The following SOCS7 variants were observed in gnomAD, a reference collection of about 807,000 sequenced individuals.
SOCS7 encodes suppressor of cytokine signaling 7.
A neutral mutation model predicts 58.9 loss-of-function variants in SOCS7; 18 were observed. That is an observed-to-expected ratio of 0.31 (90% CI 0.21 to 0.45). The LOEUF is 0.45. Ranked by LOEUF, SOCS7 falls within the 20% of genes least tolerant of loss-of-function variation. The pLI is 1.00. For missense variants in SOCS7, 667 were observed against 837.3 expected (o/e 0.80, Z 2.51); for synonymous variants, 388 against 364.3 (o/e 1.06, Z -0.74).
At chr17:38,389,106 C>T (rs1265346330) in intron 7 of SOCS7, among the ~76,000 whole-genome samples, 2 of 152,180 alleles carry the variant, frequency 1.3e-5, no homozygotes, top group South Asian at 2.1e-4. Context: ...TTGAATATAG[C>T]CATCCTAGTG....
chr17:38,353,597 C>G (rs2037592099), intron 1 of SOCS7, among the ~76,000 whole-genome samples: 1 of 152,164 alleles, frequency 6.6e-6, no homozygotes, highest in African/African-American at 2.4e-5. Flanking sequence ...GTGCTGACCA[C>G]TGTCTCTGAG....
intron 7 of SOCS7, among the ~76,000 whole-genome samples, chr17:38,379,192 AAC>A (rs1285508877): frequency 5.0e-4 from 75 of 151,296 alleles, no homozygotes; most frequent in African/African-American, 1.7e-3. Context: ...AAAAAAAAAA[AAC>A]AAGGCAGGGG....
Position 38,395,419 on chromosome 17 carries a change from C to T in SOCS7, c.1792C>T (p.His598Tyr). 1.2e-6 allele frequency: 2 copies of T among 1,614,164 alleles called. No individual in the cohort carries two copies. Among genetic ancestry groups the T allele is most frequent in the Non-Finnish European group, 1.7e-6 (2 of 1,180,000 alleles). The change falls in exon 8 of 10, where the codon CAC (histidine) becomes TAC (tyrosine). Residue 598 changes from histidine (H) to tyrosine (Y), a missense_variant. This residue lies in a region of SOCS7 where 76 missense variants were observed against 194.5 expected (regional missense o/e 0.39). Transcript: ENST00000612932. ...FRIRQLVRID[H>Y]IPDLPLPKPL... is the part of the protein sequence containing the mutation. ...GATACGACAGCTCGTCAGGATAGAT[C>T]ACATCCCAGATCTCCCACTGCCTAA...
chr17:38,395,529 C>G (rs1399122227), intron 8 of SOCS7, 85 bp downstream of exon 8: 8 of 1,348,044 alleles, frequency 5.9e-6, no homozygotes, highest in African/African-American at 1.4e-5. Flanking sequence ...TGCAAGCTAC[C>G]TTCACAGGCA....
chr17:38,352,646 A>AGAG lies in SOCS7; in HGVS notation c.598_600dup (p.Glu200dup). ...GCCTGGAGACTAACAGCTGCTCGGA[A>AGAG]GAGGAGCTCAGCAGCCCGGGTCGCG... is the stretch of plus-strand genomic sequence containing the variant. On this transcript the variant is annotated inframe_insertion, in exon 1 of 10. Transcript: ENST00000612932. The surrounding 1 kb of genome is among the most constrained non-coding windows in gnomAD (Gnocchi z 5.5). 6.5e-7 allele frequency: 1 copy of AGAG among 1,549,984 alleles called. No individual in the cohort carries two copies. The highest frequency in any genetic ancestry group is 8.7e-7 in the Non-Finnish European group (1 of 1,146,842).
In SOCS7 at chr17:38,365,375, C is replaced by T. The variant is rs142786789; in HGVS notation, c.1218C>T (p.Phe406=). The T allele has an allele frequency of 6.2e-7, 1 of 1,612,340 alleles. No homozygotes were observed. The highest frequency in any genetic ancestry group is 8.5e-7 in the Non-Finnish European group (1 of 1,179,168). The change falls in exon 4 of 10, where the codon TTC becomes TTT. Residue 406 remains phenylalanine (F), a synonymous_variant. Transcript: ENST00000612932. The part of the protein sequence containing the change: ...VAPMGSSLQS[F]PLPPPPPPHA... ...CGATGGGGTCTTCCTTGCAGTCTTT[C>T]CCCCTACCTCCGCCTCCTCCACCCC...
chr17:38,376,891 C>T (rs2037938854), intron 6 of SOCS7, among the ~76,000 whole-genome samples: 1 of 152,124 alleles, frequency 6.6e-6, no homozygotes, highest in Non-Finnish European at 1.5e-5. Context: ...TGTATTTTTA[C>T]TGTAGTTTTT....
intron 9 of SOCS7, 34 bp downstream of exon 9, chr17:38,396,032 T>A: frequency 6.6e-7 from 1 of 1,524,550 alleles, no homozygotes; most frequent in Non-Finnish European, 8.7e-7. Context: ...CCAGCCACAT[T>A]TCTTCCTGGG....
At position 38,352,286 on chromosome 17, in the gene SOCS7, C is replaced by A; in HGVS notation, c.234C>A (p.Asp78Glu). The A allele has an allele frequency of 1.3e-6, 2 of 1,487,390 alleles. No homozygotes were observed. The highest frequency in any genetic ancestry group is 1.8e-6 in the Non-Finnish European group (2 of 1,129,088). The allele number at this position is 1,487,390 out of a possible 1,614,324, so 92.1% of individuals were successfully genotyped here. A position where few individuals can be genotyped will look rare whatever the true frequency, so the allele number is the denominator to read the frequency against. Residue 78 changes from aspartate (D) to glutamate (E), a missense_variant, in exon 1 of 10, where the codon GAC becomes GAA. Around this residue, in one of 9 missense-constraint regions of SOCS7, gnomAD observed 154 missense variants for 156.3 expected, o/e 0.98. Transcript: ENST00000612932. This position sits in a 1 kb window ranked among gnomAD's most constrained non-coding sequence, Gnocchi z 5.5. ...RNVGRPPEEEDVEAAPEPGPS... is the reference protein window; with the variant it reads ...RNVGRPPEEEEVEAAPEPGPS... ...TGGGTCGGCCGCCGGAGGAGGAGGA[C>A]GTGGAGGCGGCCCCGGAGCCGGGAC...
At chr17:38,367,829 C>T (rs1054956414) in intron 5 of SOCS7, 53 bp from the exon 6 acceptor site, 4 of 1,546,336 alleles carry the variant, frequency 2.6e-6, no homozygotes, top group African/African-American at 1.4e-5. Flanking sequence ...GCACTGAAAA[C>T]TTTGACATTT....
chr17:38,366,732 G>A (rs949356984), intron 5 of SOCS7, among the ~76,000 whole-genome samples: 11 of 151,980 alleles, frequency 7.2e-5, no homozygotes, highest in African/African-American at 1.9e-4. Context: ...TGGGCTCAAC[G>A]TGATCCTCTT....
chr17:38,366,372 G>T lies in SOCS7; in HGVS notation c.1338G>T (p.Arg446=). ...AGCACCTCCAGTGTCCCCTCTACCG[G>T]CCTGACTCGAGCAGCTTTGCAGCCA... ...PPQHLQCPLY[R]PDSSSFAASL... The change falls in exon 5 of 10, where the codon CGG becomes CGT. Residue 446 remains arginine (R), a synonymous_variant. Transcript: ENST00000612932. 1 of 1,614,220 alleles carries T rather than the reference G, an allele frequency of 6.2e-7. No homozygotes were observed. Among genetic ancestry groups the T allele is most frequent in the Non-Finnish European group, 8.5e-7 (1 of 1,180,036 alleles).
chr17:38,351,872 G>A lies in SOCS7; in HGVS notation c.-181G>A, dbSNP rs2037554740. 6.6e-6 allele frequency among the ~76,000 whole-genome samples: 1 copy of A among 151,600 alleles called. No homozygotes were observed. The highest frequency in any genetic ancestry group is 2.4e-5 in the African/African-American group (1 of 41,402). On this transcript the variant is annotated 5_prime_UTR_variant, in exon 1 of 10. Coordinates refer to ENST00000612932, the MANE Select transcript of SOCS7 (RefSeq NM_014598.4). Reference sequence around the variant, plus strand: ...TTGGGGGCGGTGCTCGGCGGTGGCGGAGCGCGGCCTGGGCTCGCGCTGGGC... The same window carrying A: ...TTGGGGGCGGTGCTCGGCGGTGGCGAAGCGCGGCCTGGGCTCGCGCTGGGC...
At chr17:38,359,809 C>G (rs980983727) in intron 1 of SOCS7, among the ~76,000 whole-genome samples, 3 of 151,644 alleles carry the variant, frequency 2.0e-5, no homozygotes, top group African/African-American at 4.8e-5. Flanking sequence ...GAGACAAGGT[C>G]TCTGTCACCC....
intron 6 of SOCS7, among the ~76,000 whole-genome samples, chr17:38,372,046 A>G (rs779065172): frequency 2.0e-5 from 3 of 152,040 alleles, no homozygotes; most frequent in Non-Finnish European, 4.4e-5. Flanking sequence ...GGTCTCTAAG[A>G]AGTATATATA....
At chr17:38,368,685 A>G (rs1376009811) in intron 6 of SOCS7, among the ~76,000 whole-genome samples, 2 of 152,100 alleles carry the variant, frequency 1.3e-5, no homozygotes, top group African/African-American at 4.8e-5. Context: ...TATTTTTAGT[A>G]GAAACAGTGT....
At chr17:38,365,622 T>C (rs980751883) in intron 4 of SOCS7, 1 of 425,892 alleles carries the variant, frequency 2.3e-6, no homozygotes, top group Non-Finnish European at 4.1e-6. Context: ...TGATTTTTGT[T>C]AGGGATGAAA....
chr17:38,384,801 C>T (rs2144375597), intron 7 of SOCS7, among the ~76,000 whole-genome samples: 2 of 151,438 alleles, frequency 1.3e-5, no homozygotes, highest in South Asian at 4.2e-4. Context: ...CCATGTTGGT[C>T]AGGCTTGTCT....
intron 1 of SOCS7, among the ~76,000 whole-genome samples, chr17:38,354,866 C>T (rs74974001): frequency 5.3e-5 from 8 of 152,286 alleles, no homozygotes; most frequent in Non-Finnish European, 1.0e-4. Context: ...GCTGCTACGT[C>T]TAATAGATTA....
Sources: allele counts gnomAD v4.1 joint callset (sites outside exome capture counted in the v4.1 genomes callset), GRCh38; gene constraint gnomAD v4.1.1; regional missense constraint gnomAD v4.1.1; non-coding constraint Gnocchi (gnomAD v3.1); transcripts MANE v1.5; gene names NCBI Gene and HGNC (gene_info 2026-07-23, HGNC 2026-07-21).